FAM135B: variants seen among roughly 807,000 people sequenced by gnomAD.
FAM135B encodes protein FAM135B.
In FAM135B, 43 loss-of-function variants were observed where a neutral mutation model predicts 127.7. That is an observed-to-expected ratio of 0.34 (90% CI 0.26 to 0.43). FAM135B has a LOEUF of 0.43. Ranked by LOEUF, FAM135B falls within the 20% of genes least tolerant of loss-of-function variation. The probability of loss-of-function intolerance (pLI) is 1.00; values close to 1 mark genes in which losing one functional copy is unlikely to be tolerated. For synonymous variants in FAM135B, 670 were observed against 665.1 expected, an observed-to-expected ratio of 1.01 and a Z score of -0.11; for missense variants, 1,558 against 1,725.6, an observed-to-expected ratio of 0.90 and a Z score of 1.72.
chr8:138,368,353 G>A (rs114398014), intron 1 of FAM135B, among the ~76,000 whole-genome samples: 4,804 of 152,146 alleles, frequency 0.032, 211 homozygotes, highest in African/African-American at 0.1. Flanking sequence ...TTGCTCTACC[G>A]CTTTCCAGCT....
intron 12 of FAM135B, among the ~76,000 whole-genome samples, chr8:138,160,020 A>C (rs1218082711): frequency 6.6e-6 from 1 of 152,110 alleles, no homozygotes. Flanking sequence ...ATTTCTGGGA[A>C]AGAGTGGCCT....
chr8:138,260,364 T>A (rs1252793582), intron 4 of FAM135B, among the ~76,000 whole-genome samples: 1 of 152,158 alleles, frequency 6.6e-6, no homozygotes, highest in East Asian at 1.9e-4. Flanking sequence ...TGTGTCAGTG[T>A]ATGTTTATTC....
At chr8:138,300,453 C>A (rs575290095) in intron 3 of FAM135B, among the ~76,000 whole-genome samples, 2 of 152,066 alleles carry the variant, frequency 1.3e-5, no homozygotes, top group Non-Finnish European at 2.9e-5. Flanking sequence ...GTGCTTTCCA[C>A]CAGCACCCAA....
chr8:138,270,515 G>C (rs544569604), intron 3 of FAM135B, among the ~76,000 whole-genome samples: 45 of 152,182 alleles, frequency 3.0e-4, no homozygotes, highest in Non-Finnish European at 6.2e-4. Context: ...GCAATATCTT[G>C]GTTCACTGTG....
intron 1 of FAM135B, chr8:138,440,060 A>G (rs1835674569): frequency 6.6e-6 from 1 of 152,320 alleles, no homozygotes; most frequent in East Asian, 1.9e-4. Context: ...ACTAAGAGCT[A>G]TCAGGGTGTT....
Position 138,152,370 on chromosome 8 carries a change from C to T in FAM135B, c.2105G>A (p.Ser702Asn), listed in dbSNP as rs747063600. The T allele has an allele frequency of 6.2e-7, 1 of 1,614,166 alleles. No individual in the cohort carries two copies. The highest frequency in any genetic ancestry group is 8.5e-7 in the Non-Finnish European group (1 of 1,180,032). Residue 702 changes from serine (S) to asparagine (N), a missense_variant, in exon 13 of 20, where the codon AGC becomes AAC. By Grantham distance (46) the Ser-to-Asn change is conservative. This residue lies in a region of FAM135B where 923 missense variants were observed against 865.3 expected (regional missense o/e 1.07). Coordinates refer to ENST00000395297, the MANE Select transcript of FAM135B (RefSeq NM_015912.4). ...PSSVAWSEAR[S>N]RALELPSDRE... ...ATCACTGGGCAACTCCAGAGCCCTG[C>T]TTCGGGCCTCTGACCAGGCGACGGA...
intron 12 of FAM135B, among the ~76,000 whole-genome samples, chr8:138,154,525 T>A (rs7818870): frequency 6.6e-6 from 1 of 151,796 alleles, no homozygotes; most frequent in Admixed American, 6.6e-5. Flanking sequence ...AAACCCTCCA[T>A]AAAGAAGGTA....
intron 11 of FAM135B, among the ~76,000 whole-genome samples, chr8:138,170,620 A>G (rs1218355732): frequency 6.6e-6 from 1 of 152,204 alleles, no homozygotes; most frequent in African/African-American, 2.4e-5. Flanking sequence ...GGATGTCACC[A>G]TGATTGGATT....
chr8:138,156,107 T>C (rs200924816), intron 12 of FAM135B, among the ~76,000 whole-genome samples: 44 of 152,102 alleles, frequency 2.9e-4, no homozygotes, highest in Admixed American at 9.8e-4. Context: ...TCTCAGACCA[T>C]AGTGCAATCA....
chr8:138,301,595 C>T (rs1825892504), intron 3 of FAM135B, among the ~76,000 whole-genome samples: 1 of 152,182 alleles, frequency 6.6e-6, no homozygotes, highest in African/African-American at 2.4e-5. Context: ...AACAAATACA[C>T]ATGAGATGCC....
intron 1 of FAM135B, among the ~76,000 whole-genome samples, chr8:138,389,000 AG>A (rs1336638114): frequency 6.6e-6 from 1 of 152,154 alleles, no homozygotes; most frequent in Non-Finnish European, 1.5e-5. Flanking sequence ...GTGTGGAGTC[AG>A]GGGGTAAATG....
intron 1 of FAM135B, among the ~76,000 whole-genome samples, chr8:138,431,035 G>C (rs926701156): frequency 6.6e-6 from 1 of 152,052 alleles, no homozygotes; most frequent in African/African-American, 2.4e-5. Flanking sequence ...ATTATCTAAG[G>C]ATACTTTTAA....
intron 9 of FAM135B, among the ~76,000 whole-genome samples, chr8:138,193,970 T>C (rs1456850507): frequency 6.6e-6 from 1 of 152,158 alleles, no homozygotes; most frequent in Non-Finnish European, 1.5e-5. Context: ...CGGGGAAGGA[T>C]GAGAGCTGTA....
chr8:138,180,209 G>A (rs1012509180), intron 9 of FAM135B, among the ~76,000 whole-genome samples: 7 of 152,156 alleles, frequency 4.6e-5, no homozygotes, highest in African/African-American at 1.7e-4. Flanking sequence ...GCCTGTCACT[G>A]ACCTCTAAGC....
intron 2 of FAM135B, among the ~76,000 whole-genome samples, chr8:138,320,339 A>T (rs2130940192): frequency 6.6e-6 from 1 of 152,310 alleles, no homozygotes; most frequent in Admixed American, 6.5e-5. Flanking sequence ...TCACATAGCT[A>T]GTCAATGGAT....
In FAM135B at chr8:138,206,294, T is replaced by TATCATCCCCTCCACCTACCCAGGGCTCC. The variant is rs1391440122; in HGVS notation, c.670-8626_670-8625insGGAGCCCTGGGTAGGTGGAGGGGATGAT. Among the ~76,000 whole-genome samples the TATCATCCCCTCCACCTACCCAGGGCTCC allele has an allele frequency of 6.3e-3, 689 of 109,190 alleles. 32 individuals are homozygous for TATCATCCCCTCCACCTACCCAGGGCTCC. The highest frequency in any genetic ancestry group is 0.014 in the Middle Eastern group (2 of 138). 71.6% of individuals were successfully genotyped at this position (109,190 alleles called of 152,430 possible). ...CATCCCCTCCACCTACGCACAGCTC[T>TATCATCCCCTCCACCTACCCAGGGCTCC]ATCATCCCCTCCACCTACCCACAGC... On this transcript the variant is annotated intron_variant, in intron 7 of 19. Coordinates refer to ENST00000395297, the MANE Select transcript of FAM135B (RefSeq NM_015912.4).
chr8:138,417,536 C>T (rs1174874621), intron 1 of FAM135B, among the ~76,000 whole-genome samples: 1 of 152,218 alleles, frequency 6.6e-6, no homozygotes, highest in Non-Finnish European at 1.5e-5. Flanking sequence ...CCACCACTGC[C>T]CTGCTGAAGC....
chr8:138,270,064 T>G (rs1823254958), intron 3 of FAM135B, among the ~76,000 whole-genome samples: 1 of 152,094 alleles, frequency 6.6e-6, no homozygotes, highest in Non-Finnish European at 1.5e-5. Flanking sequence ...TAGTTGAGCA[T>G]GTGCTGCCTA....
chr8:138,487,847 C>CA (rs1371056141), intron 1 of FAM135B, among the ~76,000 whole-genome samples: 2 of 151,848 alleles, frequency 1.3e-5, no homozygotes, highest in Non-Finnish European at 1.5e-5. Context: ...ACTAAAAATA[C>CA]AAAAAAATTA....
Sources: allele counts gnomAD v4.1 joint callset (sites outside exome capture counted in the v4.1 genomes callset), GRCh38; gene constraint gnomAD v4.1.1; regional missense constraint gnomAD v4.1.1; transcripts MANE v1.5; gene names NCBI Gene and HGNC (gene_info 2026-07-23, HGNC 2026-07-21).